Variants in CCDC40 observed in about 807,000 individuals in gnomAD.
The protein encoded by CCDC40 is coiled-coil domain-containing protein 40.
CCDC40 carries 104 observed loss-of-function variants against 124.5 expected under a neutral mutation model. That is an observed-to-expected ratio of 0.84 (90% confidence interval 0.71 to 0.98). The LOEUF is 0.98. Ranked by LOEUF, CCDC40 falls within the 50% of genes least tolerant of loss-of-function variation. CCDC40 has a pLI of 0.00. For missense variants in CCDC40, 1,463 were observed against 1,503.9 expected, an observed-to-expected ratio of 0.97 and a Z score of 0.45; for synonymous variants, 580 against 602.9, an observed-to-expected ratio of 0.96 and a Z score of 0.56.
chr17:80,088,890 C>G lies in CCDC40; in HGVS notation c.2711+788C>G, dbSNP rs554470075. On this transcript the variant is annotated intron_variant, in intron 16 of 19. Transcript: ENST00000397545. Reference sequence around the variant, plus strand: ...ATTCCCCACAGAGTCTGTCTACCCCCCTTGGTGGCAGTTCTTGAGCCAAAC... The same window carrying G: ...ATTCCCCACAGAGTCTGTCTACCCCGCTTGGTGGCAGTTCTTGAGCCAAAC... Among the ~76,000 whole-genome samples the G allele has an allele frequency of 1.6e-4, 24 of 152,314 alleles. No homozygotes were observed. The South Asian group carries it at 4.3e-3, about 28-fold the overall frequency.
rs1028548782 is a variant in CCDC40, at chr17:80,087,320, C to T, written c.2450-287C>T. Reference sequence around the variant, plus strand: ...GGGGAGGGAGCCTGGCCCTCCCACACGCCCTGCCCACACCTGCTGGCTGTC... The same window carrying T: ...GGGGAGGGAGCCTGGCCCTCCCACATGCCCTGCCCACACCTGCTGGCTGTC... On this transcript the variant is annotated intron_variant, in intron 14 of 19. Transcript: ENST00000397545. This position sits in a 1 kb window ranked among gnomAD's most constrained non-coding sequence, Gnocchi z 4.5. 5 of 490,032 alleles carry T rather than the reference C, an allele frequency of 1.0e-5. No homozygotes were observed. The highest frequency in any genetic ancestry group is 1.9e-5 in the Non-Finnish European group (5 of 267,658). 30.4% of individuals were successfully genotyped at this position (490,032 alleles called of 1,614,324 possible). A position where few individuals can be genotyped will look rare whatever the true frequency, so the allele number is the denominator to read the frequency against.
In CCDC40 at chr17:80,039,975, A is replaced by G. The variant is rs202220442; in HGVS notation, c.257A>G (p.Tyr86Cys). The G allele has an allele frequency of 9.9e-5, 159 of 1,613,936 alleles. No individual in the cohort carries two copies. The highest frequency in any genetic ancestry group is 8.2e-4 in the Middle Eastern group (5 of 6,082). ...AVEGEEEAVS[Y>C]GDAESEEEYY... ...GAAGGGGAAGAGGAGGCTGTGTCCTATGGAGATGCTGAAAGCGAAGAGGAA... is the reference window on the plus strand; with the variant it reads ...GAAGGGGAAGAGGAGGCTGTGTCCTGTGGAGATGCTGAAAGCGAAGAGGAA... The change falls in exon 3 of 20, where the codon TAT becomes TGT. Residue 86 changes from tyrosine to cysteine, a missense_variant. Physicochemically the swap from Tyr to Cys is radical, Grantham distance 194. Transcript: ENST00000397545.
rs138469377 is a variant in CCDC40 at position 80,097,900 on chromosome 17, A to AAAAAGAAAAGAAAAG, written c.3180+537_3180+551dup. On this transcript the variant is annotated intron_variant, in intron 19 of 19. Coordinates refer to ENST00000397545, the MANE Select transcript of CCDC40 (RefSeq NM_017950.4). ...GGGTGACAGAGGGAGATCCTGTCTC[A>AAAAAGAAAAGAAAAG]AAAAGAAAAGAAAAGAAAAGAAAAG... 4.0e-3 allele frequency: 653 copies of AAAAAGAAAAGAAAAG among 162,786 alleles called. 9 individuals carry two copies. Among genetic ancestry groups the AAAAAGAAAAGAAAAG allele is most frequent in the East Asian group, 0.012 (63 of 5,316 alleles). The allele number at this position is 162,786 out of a possible 1,614,324, so 10.1% of individuals were successfully genotyped here. A position where few individuals can be genotyped will look rare whatever the true frequency, so the allele number is the denominator to read the frequency against.
chr17:80,087,860 A>C lies in CCDC40; in HGVS notation c.2619+84A>C. On this transcript the variant is annotated intron_variant, in intron 15 of 19. Coordinates refer to ENST00000397545, the MANE Select transcript of CCDC40 (RefSeq NM_017950.4). The surrounding 1 kb of genome is among the most constrained non-coding windows in gnomAD (Gnocchi z 4.5). ...CTTGCGGTGGGCGTTCTGCACCAGG[A>C]TGTAATTTCCACACCCGTTCAAGAT... is the stretch of plus-strand genomic sequence containing the variant. The C allele has an allele frequency of 7.2e-7, 1 of 1,391,306 alleles. No homozygotes were observed. Among genetic ancestry groups the C allele is most frequent in the East Asian group, 2.3e-5 (1 of 43,842 alleles). The allele number at this position is 1,391,306 out of a possible 1,614,324, so 86.2% of individuals were successfully genotyped here. A position where few individuals can be genotyped will look rare whatever the true frequency, so the allele number is the denominator to read the frequency against.
chr17:80,061,581 C>T (rs1033140882), intron 9 of CCDC40, among the ~76,000 whole-genome samples: 5 of 152,174 alleles, frequency 3.3e-5, no homozygotes, highest in African/African-American at 1.2e-4. Context: ...TTTTGCACCT[C>T]CCGCCCTCCC....
intron 10 of CCDC40, among the ~76,000 whole-genome samples, chr17:80,077,028 G>C (rs767460315): frequency 6.6e-6 from 1 of 151,932 alleles, no homozygotes; most frequent in Non-Finnish European, 1.5e-5. Flanking sequence ...GGACCACCAC[G>C]CCCAGCCTAA....
chr17:80,080,099 C>T (rs143240486), intron 10 of CCDC40, among the ~76,000 whole-genome samples: 6 of 152,186 alleles, frequency 3.9e-5, no homozygotes, highest in African/African-American at 1.4e-4. Flanking sequence ...GTGGCACACA[C>T]CTGTAATCCC....
intron 7 of CCDC40, among the ~76,000 whole-genome samples, chr17:80,053,924 C>T (rs1023784385): frequency 2.0e-5 from 3 of 152,158 alleles, no homozygotes; most frequent in Admixed American, 1.3e-4. Flanking sequence ...TGGAAATTAA[C>T]AACAACGGGA....
chr17:80,065,656 G>A (rs761604586), intron 10 of CCDC40, 50 bp downstream of exon 10: 76 of 1,607,776 alleles, frequency 4.7e-5, no homozygotes, highest in South Asian at 7.7e-5. Context: ...CCAGGGGTCC[G>A]TGGCAGGCCC....
intron 9 of CCDC40, among the ~76,000 whole-genome samples, chr17:80,062,967 G>T (rs1357431056): frequency 1.3e-5 from 2 of 152,152 alleles, no homozygotes; most frequent in Non-Finnish European, 2.9e-5. Context: ...ACCGAGGTCG[G>T]CAGATCACCT....
chr17:80,090,903 T>G, intron 17 of CCDC40: 1 of 773,278 alleles, frequency 1.3e-6, no homozygotes, highest in South Asian at 3.5e-5. Flanking sequence ...CCAAATTTAA[T>G]TGACTTTTCA....
intron 12 of CCDC40, among the ~76,000 whole-genome samples, chr17:80,084,474 G>GT (rs1162849925): frequency 6.6e-6 from 1 of 152,192 alleles, no homozygotes; most frequent in African/African-American, 2.4e-5. Flanking sequence ...AAGATGAGAT[G>GT]TGAGTGGGGA....
At chr17:80,052,384 A>G (rs1254498160) in intron 7 of CCDC40, among the ~76,000 whole-genome samples, 1 of 151,980 alleles carries the variant, frequency 6.6e-6, no homozygotes, top group East Asian at 1.9e-4. Flanking sequence ...CTCTTTTCAC[A>G]TTTTTCTGCC....
Position 80,066,180 on chromosome 17 carries a change from G to A in CCDC40, c.1562+574G>A, listed in dbSNP as rs781128358. On this transcript the variant is annotated intron_variant, in intron 10 of 19. Transcript: ENST00000397545. This position sits in a 1 kb window ranked among gnomAD's most constrained non-coding sequence, Gnocchi z 4.4. ...AAAAAGCCGGGCACTGTGGTGGCACGTGTCTCACCCGCTGAGCTTTAACTT... is the reference window on the plus strand; with the variant it reads ...AAAAAGCCGGGCACTGTGGTGGCACATGTCTCACCCGCTGAGCTTTAACTT... 17 of 702,840 alleles carry A rather than the reference G, an allele frequency of 2.4e-5. No homozygotes were observed. The highest frequency in any genetic ancestry group is 4.2e-5 in the Non-Finnish European group (16 of 385,002). The allele number at this position is 702,840 out of a possible 1,614,324, so 43.5% of individuals were successfully genotyped here.
rs969674379 is a variant in CCDC40 at position 80,100,175 on chromosome 17, C to CA, written c.*401dup. 9.1e-5 allele frequency: 26 copies of CA among 286,202 alleles called. No individual in the cohort carries two copies. The highest frequency in any genetic ancestry group is 5.8e-4 in the African/African-American group (26 of 45,026). 17.7% of individuals were successfully genotyped at this position (286,202 alleles called of 1,614,324 possible). ...AGAGGTGGGAAAGTTAAGGCAGCTCCAGCCAGCCTGGCCCGGGAGGCTGGT... is the reference window on the plus strand; with the variant it reads ...AGAGGTGGGAAAGTTAAGGCAGCTCCAAGCCAGCCTGGCCCGGGAGGCTGGT... On this transcript the variant is annotated 3_prime_UTR_variant, in exon 20 of 20. Transcript: ENST00000397545.
At chr17:80,050,595 C>T (rs536419655) in intron 7 of CCDC40, among the ~76,000 whole-genome samples, 3 of 152,330 alleles carry the variant, frequency 2.0e-5, no homozygotes, top group African/African-American at 7.2e-5. Flanking sequence ...AGGCACCTGC[C>T]ACCATGCCTG....
chr17:80,087,607 G>T lies in CCDC40; in HGVS notation c.2450G>T (p.Ser817Ile). Reference protein sequence around the residue: ...IMEQKKLRVESKIEQEKKEQK... With the variant: ...IMEQKKLRVEIKIEQEKKEQK... ...CCTGAGTCTCTGTTTTCTGCCATAG[G>T]CAAGATTGAGCAGGAGAAGAAGGAG... The change falls in exon 15 of 20, where the codon AGC (serine) becomes ATC (isoleucine). Residue 817 changes from serine to isoleucine, a missense_variant and splice_region_variant. Transcript: ENST00000397545. The surrounding 1 kb of genome is among the most constrained non-coding windows in gnomAD (Gnocchi z 4.5). The T allele has an allele frequency of 6.2e-7, 1 of 1,614,006 alleles. No homozygotes were observed. Among genetic ancestry groups the T allele is most frequent in the Non-Finnish European group, 8.5e-7 (1 of 1,179,886 alleles).
rs759693403 is a variant in CCDC40 at position 80,097,384 on chromosome 17, T to C, written c.3161T>C (p.Leu1054Pro). The C allele has an allele frequency of 6.2e-7, 1 of 1,613,978 alleles. No homozygotes were observed. Among genetic ancestry groups the C allele is most frequent in the Non-Finnish European group, 8.5e-7 (1 of 1,180,032 alleles). The change falls in exon 19 of 20, where the codon CTT becomes CCT. Residue 1054 changes from leucine (L) to proline (P), a missense_variant. By Grantham distance (98) the Leu-to-Pro change is moderately conservative. Transcript: ENST00000397545. ...ACACTCGAGGCCGACCTCACCCGGC[T>C]TGGGGCCCTCAAACGACAGGTAAAC... ...FDTLEADLTRLGALKRQNLSE... is the reference protein window; with the variant it reads ...FDTLEADLTRPGALKRQNLSE...
intron 16 of CCDC40, 54 bp downstream of exon 16, chr17:80,088,156 G>C: frequency 8.0e-7 from 1 of 1,244,710 alleles, no homozygotes; most frequent in South Asian, 1.2e-5. Flanking sequence ...GCACCTACAG[G>C]CCTCTGTCCG....
Sources: gnomAD v4.1 joint callset for allele counts (sites outside exome capture counted in the v4.1 genomes callset) on GRCh38, gnomAD v4.1.1 for gene constraint, Gnocchi (gnomAD v3.1) non-coding constraint, MANE v1.5 for transcripts, NCBI Gene and HGNC (gene_info 2026-07-23, HGNC 2026-07-21) for gene names.